Variants in RAD51B observed in about 807,000 individuals in gnomAD.
RAD51B encodes the protein DNA repair protein RAD51 homolog 2.
In RAD51B, 38 loss-of-function variants were observed where a neutral mutation model predicts 42.2. The ratio of observed to expected loss-of-function variants is 0.90; its 90% confidence interval spans 0.70 to 1.18. The LOEUF (loss-of-function observed/expected upper bound fraction) is 1.18. Ranked by LOEUF, RAD51B falls within the 50% of genes most tolerant of loss-of-function variation. The pLI is 0.00. For synonymous variants in RAD51B, 154 were observed against 145.2 expected (o/e 1.06, Z -0.43); for missense variants, 373 against 400.7 (o/e 0.93, Z 0.59).
At chr14:68,285,785 G>A (rs2081403566) in intron 7 of RAD51B, among the ~76,000 whole-genome samples, 1 of 152,120 alleles carries the variant, frequency 6.6e-6, no homozygotes. Context: ...CAACTCTGTT[G>A]CACAGAGACA....
intron 7 of RAD51B, among the ~76,000 whole-genome samples, chr14:68,029,580 A>G (rs1390498992): frequency 6.6e-6 from 1 of 152,128 alleles, no homozygotes; most frequent in African/African-American, 2.4e-5. Flanking sequence ...TTCTCATTCT[A>G]GTTCTTTTGC....
intron 8 of RAD51B, among the ~76,000 whole-genome samples, chr14:68,396,303 T>C (rs8019592): frequency 0.76 from 114,880 of 152,156 alleles, 43,733 homozygotes; most frequent in East Asian, 0.97. Context: ...TCCCTCTTCC[T>C]ATCCCACATC....
intron 4 of RAD51B, among the ~76,000 whole-genome samples, chr14:67,864,342 A>T (rs2139987804): frequency 6.6e-6 from 1 of 152,342 alleles, no homozygotes; most frequent in African/African-American, 2.4e-5. Flanking sequence ...GCCAATGAAG[A>T]TTTCAAAACA....
intron 6 of RAD51B, 59 bp from the exon 7 acceptor site, chr14:67,886,962 C>T: frequency 8.8e-7 from 1 of 1,139,768 alleles, no homozygotes; most frequent in Non-Finnish European, 1.2e-6. Flanking sequence ...TTTGCAATAC[C>T]TTTATTTATT....
chr14:68,118,172 AG>A (rs1322452181), intron 7 of RAD51B, among the ~76,000 whole-genome samples: 1 of 152,246 alleles, frequency 6.6e-6, no homozygotes, highest in Non-Finnish European at 1.5e-5. Flanking sequence ...ACAAAATAGT[AG>A]TTTCCATATA....
At chr14:68,585,292 G>A (rs1029925652) in intron 10 of RAD51B, among the ~76,000 whole-genome samples, 4 of 152,206 alleles carry the variant, frequency 2.6e-5, no homozygotes, top group Admixed American at 1.3e-4. Context: ...CTTTTCTTCA[G>A]AGGGAATAAG....
chr14:68,316,395 A>G (rs1329547352), intron 8 of RAD51B, among the ~76,000 whole-genome samples: 1 of 152,224 alleles, frequency 6.6e-6, no homozygotes, highest in Non-Finnish European at 1.5e-5. Flanking sequence ...GTGAAAATCT[A>G]CTGGTGCTTT....
rs71129897 is a variant in RAD51B at position 68,549,409 on chromosome 14, ATTTTTTTT to A, written c.1037-45059_1037-45052del. ...AGTGCTTCATCCATGCCCTGGACACATTTTTTTTTTTTTTTTTTTTTTTTGAGACGGAG... is the reference window on the plus strand; with the variant it reads ...AGTGCTTCATCCATGCCCTGGACACATTTTTTTTTTTTTTTTGAGACGGAG... On this transcript the variant is annotated intron_variant, in intron 10 of 10. Coordinates refer to the RAD51B transcript ENST00000487270. 6.0e-4 allele frequency among the ~76,000 whole-genome samples: 38 copies of A among 63,578 alleles called. 1 individual carries two copies. The highest frequency in any genetic ancestry group is 7.4e-4 in the South Asian group (1 of 1,348). The allele number at this position is 63,578 out of a possible 152,430, so 41.7% of individuals were successfully genotyped here.
intron 10 of RAD51B, among the ~76,000 whole-genome samples, chr14:68,502,254 T>C (rs1323073991): frequency 6.6e-6 from 1 of 152,222 alleles, no homozygotes; most frequent in Non-Finnish European, 1.5e-5. Flanking sequence ...GGAGAGCCTT[T>C]GAAGCCACAG....
At chr14:68,166,674 C>T (rs2078760693) in intron 7 of RAD51B, among the ~76,000 whole-genome samples, 2 of 152,112 alleles carry the variant, frequency 1.3e-5, no homozygotes, top group Non-Finnish European at 2.9e-5. Context: ...CCATTAGCAC[C>T]AGTCTGCGGA....
intron 7 of RAD51B, among the ~76,000 whole-genome samples, chr14:67,976,054 A>G (rs2074986747): frequency 6.7e-6 from 1 of 148,878 alleles, no homozygotes; most frequent in South Asian, 2.1e-4. Flanking sequence ...TCATAAACCC[A>G]GTTTGGACTT....
At chr14:68,058,789 CAAA>C (rs1199407625) in intron 7 of RAD51B, among the ~76,000 whole-genome samples, 1 of 152,076 alleles carries the variant, frequency 6.6e-6, no homozygotes, top group East Asian at 1.9e-4. Context: ...AATTTCTAGT[CAAA>C]GAACAGTGCA....
chr14:67,992,109 C>CT (rs2140294129), intron 7 of RAD51B, among the ~76,000 whole-genome samples: 1 of 152,260 alleles, frequency 6.6e-6, no homozygotes, highest in South Asian at 2.1e-4. Context: ...CCGCTTTATT[C>CT]TATGCATCGG....
At chr14:68,296,891 G>T (rs976740727) in intron 8 of RAD51B, among the ~76,000 whole-genome samples, 2 of 152,192 alleles carry the variant, frequency 1.3e-5, no homozygotes, top group African/African-American at 4.8e-5. Flanking sequence ...AACTAAAAAT[G>T]TAAAATGTGT....
intron 7 of RAD51B, among the ~76,000 whole-genome samples, chr14:68,185,735 T>A (rs2079144580): frequency 6.6e-6 from 1 of 152,066 alleles, no homozygotes; most frequent in Non-Finnish European, 1.5e-5. Flanking sequence ...TAAATTCTCA[T>A]AAAGAGCACA....
At chr14:68,389,639 G>T (rs2140010473) in intron 8 of RAD51B, among the ~76,000 whole-genome samples, 1 of 152,268 alleles carries the variant, frequency 6.6e-6, no homozygotes, top group Admixed American at 6.5e-5. Context: ...TGATATATCA[G>T]ATCTACCAAT....
chr14:67,985,188 T>TTAAC (rs2075162474), intron 7 of RAD51B, among the ~76,000 whole-genome samples: 1 of 152,224 alleles, frequency 6.6e-6, no homozygotes, highest in Non-Finnish European at 1.5e-5. Flanking sequence ...TTATCCACTG[T>TTAAC]TAACATTTTG....
chr14:68,092,427 T>G (rs1366711055), intron 7 of RAD51B, among the ~76,000 whole-genome samples: 21 of 152,204 alleles, frequency 1.4e-4, no homozygotes, highest in Middle Eastern at 3.4e-3. Flanking sequence ...GCCTTGTAAG[T>G]TCGATTCCTA....
chr14:68,509,835 T>C (rs924899229), intron 10 of RAD51B, among the ~76,000 whole-genome samples: 3 of 152,232 alleles, frequency 2.0e-5, no homozygotes, highest in African/African-American at 7.2e-5. Flanking sequence ...GGACTTTATT[T>C]ACATCGGGCT....
Sources: allele counts gnomAD v4.1 joint callset (sites outside exome capture counted in the v4.1 genomes callset), GRCh38; gene constraint gnomAD v4.1.1; transcripts MANE v1.5; gene names NCBI Gene and HGNC (gene_info 2026-07-23, HGNC 2026-07-21).